The following CPED1 variants were observed in gnomAD, a reference collection of about 807,000 sequenced individuals.
CPED1 encodes the protein cadherin like and PC-esterase domain containing 1, also known as cadherin-like and PC-esterase domain-containing protein 1.
Under a neutral mutation model 128.2 loss-of-function variants are expected in CPED1, and 114 were observed. The observed-to-expected ratio is 0.89, with a 90% CI of 0.76 to 1.04. CPED1 has a LOEUF of 1.04. CPED1 is among the 50% of genes least tolerant of loss of function. The pLI is 0.00. For missense variants in CPED1, 1,211 were observed against 1,207.1 expected, an observed-to-expected ratio of 1.00 and a Z score of -0.05; for synonymous variants, 462 against 426.7, an observed-to-expected ratio of 1.08 and a Z score of -1.02.
At chr7:121,034,255 T>TC (rs1427224231) in intron 3 of CPED1, among the ~76,000 whole-genome samples, 2 of 144,320 alleles carry the variant, frequency 1.4e-5, no homozygotes, top group Admixed American at 6.9e-5. Context: ...TTCTTTTTTT[T>TC]TTTTTTTTTT....
At chr7:121,194,042 A>T (rs1296589488) in intron 16 of CPED1, among the ~76,000 whole-genome samples, 23 of 107,376 alleles carry the variant, frequency 2.1e-4, no homozygotes, top group African/African-American at 3.0e-4. Flanking sequence ...ATATATATAT[A>T]TATATATTTT....
At chr7:121,037,220 A>T (rs1270966250) in intron 3 of CPED1, among the ~76,000 whole-genome samples, 2 of 152,148 alleles carry the variant, frequency 1.3e-5, no homozygotes, top group Non-Finnish European at 2.9e-5. Flanking sequence ...GCCTAACCTA[A>T]TGTCTAGAAG....
chr7:120,997,613 A>G (rs982798497), intron 2 of CPED1, among the ~76,000 whole-genome samples: 2 of 152,168 alleles, frequency 1.3e-5, no homozygotes, highest in African/African-American at 2.4e-5. Flanking sequence ...CTAATCCAAT[A>G]TGACTGGTGT....
chr7:121,002,332 G>A (rs1278885688), intron 2 of CPED1, among the ~76,000 whole-genome samples: 1 of 152,202 alleles, frequency 6.6e-6, no homozygotes, highest in African/African-American at 2.4e-5. Context: ...GGAACTACCC[G>A]ACCTTAGCAA....
chr7:121,123,672 T>A (rs1449225956), intron 7 of CPED1, among the ~76,000 whole-genome samples: 2 of 152,190 alleles, frequency 1.3e-5, no homozygotes, highest in Non-Finnish European at 2.9e-5. Flanking sequence ...ATGACACAAT[T>A]GAGCTTCATT....
chr7:121,104,593 C>T (rs1358573421), intron 7 of CPED1, among the ~76,000 whole-genome samples: 1 of 152,074 alleles, frequency 6.6e-6, no homozygotes, highest in Non-Finnish European at 1.5e-5. Context: ...AAAAGCTTGT[C>T]CAAAGCCTTA....
chr7:121,170,601 A>C (rs1796630426), intron 16 of CPED1, among the ~76,000 whole-genome samples: 1 of 152,188 alleles, frequency 6.6e-6, no homozygotes, highest in Non-Finnish European at 1.5e-5. Flanking sequence ...TGCTGATTAA[A>C]ATAGATATCT....
intron 3 of CPED1, among the ~76,000 whole-genome samples, chr7:121,036,441 G>A (rs968772936): frequency 2.6e-5 from 4 of 151,178 alleles, no homozygotes; most frequent in Non-Finnish European, 5.9e-5. Context: ...TGCAGTGAAT[G>A]CCATTATTTC....
intron 3 of CPED1, among the ~76,000 whole-genome samples, chr7:121,033,347 G>A (rs1213255135): frequency 2.0e-5 from 3 of 152,152 alleles, no homozygotes; most frequent in Non-Finnish European, 4.4e-5. Flanking sequence ...TTAAATAATA[G>A]GCTGGCAAGA....
intron 2 of CPED1, among the ~76,000 whole-genome samples, chr7:120,998,332 T>C (rs1693020716): frequency 6.6e-6 from 1 of 152,208 alleles, no homozygotes; most frequent in Non-Finnish European, 1.5e-5. Flanking sequence ...ATTAATACCA[T>C]TTATTAACTT....
At chr7:121,274,571 G>C (rs1713657847) in intron 22 of CPED1, among the ~76,000 whole-genome samples, 1 of 152,072 alleles carries the variant, frequency 6.6e-6, no homozygotes, top group South Asian at 2.1e-4. Context: ...AGCATTTGCT[G>C]TTCCAGTCAC....
In CPED1 at chr7:121,080,085, C is replaced by T. The variant is rs1440789557; in HGVS notation, c.616+15772C>T. Among the ~76,000 whole-genome samples the T allele has an allele frequency of 2.0e-5, 3 of 152,134 alleles. No individual in the cohort carries two copies. In the East Asian group the frequency reaches 5.8e-4, roughly 29 times the overall value. ...GTCTGTATAATACCAAAACAGCTGG[C>T]TAACACATGAACTTCAAGCAATTGA... On this transcript the variant is annotated intron_variant, in intron 5 of 22. Coordinates refer to ENST00000310396, the MANE Select transcript of CPED1 (RefSeq NM_024913.5).
chr7:121,099,899 G>A lies in CPED1; in HGVS notation c.750-27G>A, dbSNP rs199742777. ...TGTACTCAACCCTACATTATGGAGC[G>A]CTAACTATGTTTTTTTTTTTTTTTA... On this transcript the variant is annotated intron_variant, in intron 6 of 22. Transcript: ENST00000310396. 855 of 1,536,200 alleles carry A rather than the reference G, an allele frequency of 5.6e-4. 12 individuals are homozygous for A. In the East Asian group the frequency reaches 0.016, roughly 29 times the overall value.
intron 22 of CPED1, among the ~76,000 whole-genome samples, chr7:121,277,810 C>G (rs999529559): frequency 1.3e-5 from 2 of 152,070 alleles, no homozygotes; most frequent in Non-Finnish European, 2.9e-5. Flanking sequence ...AAAGAAACTC[C>G]TGGAAACACC....
intron 16 of CPED1, among the ~76,000 whole-genome samples, chr7:121,189,326 T>C (rs1797074332): frequency 6.6e-6 from 1 of 152,118 alleles, no homozygotes; most frequent in African/African-American, 2.4e-5. Context: ...CTGCAGGCTG[T>C]ACAGGAAACA....
chr7:121,236,786 A>G lies in CPED1; in HGVS notation c.2128A>G (p.Ile710Val), dbSNP rs759332316. Reference protein sequence around the residue: ...QPISSDYIEAILQSELKRCPS... With the variant: ...QPISSDYIEAVLQSELKRCPS... ...TATTTCTTCTGACTACATTGAAGCC[A>G]TTTTACAGTCTGAACTAAAAAGATG... The change falls in exon 17 of 23, where the codon ATT (isoleucine) becomes GTT (valine). Residue 710 changes from isoleucine (I) to valine (V), a missense_variant. Ile to Val is a conservative substitution (Grantham distance 29). Coordinates refer to ENST00000310396, the MANE Select transcript of CPED1 (RefSeq NM_024913.5). The G allele has an allele frequency of 5.6e-6, 9 of 1,609,302 alleles. No homozygotes were observed. Among genetic ancestry groups the G allele is most frequent in the Non-Finnish European group, 7.6e-6 (9 of 1,177,976 alleles).
At chr7:121,272,264 T>C (rs1404607558) in intron 22 of CPED1, among the ~76,000 whole-genome samples, 2 of 152,160 alleles carry the variant, frequency 1.3e-5, no homozygotes, top group African/African-American at 4.8e-5. Context: ...TCTACTTTTA[T>C]TCTTCTACAT....
chr7:121,096,744 C>G (rs1013708674), intron 5 of CPED1, among the ~76,000 whole-genome samples: 27 of 151,916 alleles, frequency 1.8e-4, no homozygotes, highest in African/African-American at 6.3e-4. Flanking sequence ...GCACCCTAAG[C>G]TATTAAGAGG....
At chr7:121,005,337 C>A (rs1461480929) in intron 2 of CPED1, among the ~76,000 whole-genome samples, 1 of 152,174 alleles carries the variant, frequency 6.6e-6, no homozygotes, top group East Asian at 1.9e-4. Context: ...CTTTGATGGG[C>A]ATTTGGGTTG....
Sources: allele counts gnomAD v4.1 joint callset (sites outside exome capture counted in the v4.1 genomes callset), GRCh38; gene constraint gnomAD v4.1.1; transcripts MANE v1.5; gene names NCBI Gene and HGNC (gene_info 2026-07-23, HGNC 2026-07-21).